MBNL1: variants seen among roughly 807,000 people sequenced by gnomAD.
MBNL1 encodes muscleblind-like protein 1.
MBNL1 carries 8 observed loss-of-function variants against 42.2 expected under a neutral mutation model. That is an observed-to-expected ratio of 0.19 (90% CI 0.11 to 0.34). The LOEUF (loss-of-function observed/expected upper bound fraction) is 0.34, where lower values mean the gene tolerates loss of function less well. MBNL1 is among the 10% of genes least tolerant of loss of function. MBNL1 has a pLI of 1.00. For missense variants in MBNL1, 309 were observed against 495.3 expected (o/e 0.62, Z 3.57); for synonymous variants, 169 against 173.9 (o/e 0.97, Z 0.22).
rs2034278073 is a variant in MBNL1 at position 152,250,205 on chromosome 3, T to TGGGCA, written n.333+5767_333+5771dup. On this transcript the variant is annotated intron_variant and non_coding_transcript_variant, in intron 2 of 2. Transcript: ENST00000477171. ...ATGGCATTGAATCTGTAAATTACCT[T>TGGGCA]GGGCAGTATGGCCATTTTCACGATA... Among the ~76,000 whole-genome samples the TGGGCA allele has an allele frequency of 5.9e-5, 9 of 151,278 alleles. No individual in the cohort carries two copies. The South Asian group carries it at 1.7e-3, about 28-fold the overall frequency.
chr3:152,409,925 A>G (rs1191194606), intron 2 of MBNL1, among the ~76,000 whole-genome samples: 3 of 152,162 alleles, frequency 2.0e-5, no homozygotes, highest in Non-Finnish European at 2.9e-5. Context: ...ATTAAGTCCA[A>G]CCAACTTCTA....
intron 2 of MBNL1, among the ~76,000 whole-genome samples, chr3:152,346,555 T>C (rs1410593612): frequency 2.0e-5 from 3 of 152,136 alleles, no homozygotes; most frequent in Non-Finnish European, 4.4e-5. Flanking sequence ...ATATTTTTCC[T>C]AGAATAATTT....
At chr3:152,384,379 T>C (rs1404083461) in intron 2 of MBNL1, among the ~76,000 whole-genome samples, 1 of 152,092 alleles carries the variant, frequency 6.6e-6, no homozygotes. Context: ...ACTAGAGAGT[T>C]ACAGAAAGAT....
intron 1 of MBNL1, among the ~76,000 whole-genome samples, chr3:152,294,594 T>G (rs1000523481): frequency 6.6e-6 from 1 of 152,170 alleles, no homozygotes; most frequent in Non-Finnish European, 1.5e-5. Context: ...TTAAGTTTGA[T>G]TCTTACAATA....
chr3:152,292,682 CA>C (rs1284066331), intron 1 of MBNL1, among the ~76,000 whole-genome samples: 1 of 152,044 alleles, frequency 6.6e-6, no homozygotes, highest in Non-Finnish European at 1.5e-5. Flanking sequence ...ATATCTCCTT[CA>C]TGATTTTCAT....
chr3:152,249,921 A>G (rs1363867316), intron 2 of MBNL1, among the ~76,000 whole-genome samples: 3 of 148,006 alleles, frequency 2.0e-5, no homozygotes, highest in Non-Finnish European at 4.5e-5. Context: ...CAAAGATCAG[A>G]TAGTTGTAGA....
At chr3:152,300,489 T>A (rs369763023) in intron 2 of MBNL1, 122 bp downstream of exon 2, 1 of 778,188 alleles carries the variant, frequency 1.3e-6, no homozygotes, top group Non-Finnish European at 1.9e-6. Flanking sequence ...TACAGTGTGT[T>A]GATGATGTTG....
chr3:152,419,729 A>C (rs2098769880), intron 3 of MBNL1, among the ~76,000 whole-genome samples: 1 of 149,290 alleles, frequency 6.7e-6, no homozygotes. Context: ...TTGTTTTCAT[A>C]CTCTAGTGGC....
chr3:152,275,878 C>G (rs1372506342), intron 1 of MBNL1, among the ~76,000 whole-genome samples: 2 of 151,656 alleles, frequency 1.3e-5, no homozygotes, highest in Non-Finnish European at 2.9e-5. Flanking sequence ...TTTGAAGTAA[C>G]TAAGTTTTTT....
intron 6 of MBNL1, among the ~76,000 whole-genome samples, chr3:152,452,930 G>A (rs1726230270): frequency 6.6e-6 from 1 of 151,360 alleles, no homozygotes; most frequent in African/African-American, 2.4e-5. Context: ...AGGTGGTGGT[G>A]TAGGTCTAAG....
At chr3:152,446,589 A>C in intron 5 of MBNL1, 1 of 706,808 alleles carries the variant, frequency 1.4e-6, no homozygotes, top group Admixed American at 2.4e-5. Context: ...GTTTTTTCTC[A>C]CCTACCCAAA....
intron 2 of MBNL1, among the ~76,000 whole-genome samples, chr3:152,313,866 A>G (rs1430561239): frequency 6.6e-6 from 1 of 152,228 alleles, no homozygotes; most frequent in East Asian, 1.9e-4. Flanking sequence ...AGTAGGTATT[A>G]ATGGAATAAT....
intron 2 of MBNL1, among the ~76,000 whole-genome samples, chr3:152,382,299 G>A (rs773464466): frequency 1.6e-4 from 25 of 151,910 alleles, no homozygotes; most frequent in East Asian, 7.7e-4. Context: ...TCCTAAAATC[G>A]TAATGTAAAA....
chr3:152,319,778 A>G (rs933746000), intron 2 of MBNL1, among the ~76,000 whole-genome samples: 5 of 152,006 alleles, frequency 3.3e-5, no homozygotes, highest in Admixed American at 6.6e-5. Flanking sequence ...TATATGGCCA[A>G]TTGATTCTTA....
chr3:152,368,207 C>G (rs997595629), intron 2 of MBNL1, among the ~76,000 whole-genome samples: 2 of 151,998 alleles, frequency 1.3e-5, no homozygotes, highest in African/African-American at 2.4e-5. Context: ...AGGAAGGGGT[C>G]CAGTTTCAGT....
chr3:152,269,385 CA>C (rs1443294906), intron 1 of MBNL1: 2 of 364,192 alleles, frequency 5.5e-6, no homozygotes, highest in East Asian at 8.3e-5. Flanking sequence ...CAGGGAGAAA[CA>C]GGGGGGCGAG....
chr3:152,407,370 G>T (rs976506535), intron 2 of MBNL1, among the ~76,000 whole-genome samples: 14 of 151,784 alleles, frequency 9.2e-5, no homozygotes, highest in Admixed American at 7.2e-4. Context: ...TATTGATTAG[G>T]ATTGCTATAT....
intron 3 of MBNL1, 26 bp downstream of exon 3, chr3:152,415,137 A>G (rs367775933): frequency 9.7e-5 from 150 of 1,538,938 alleles, no homozygotes; most frequent in Non-Finnish European, 1.2e-4. Context: ...GTCTTCACTC[A>G]TTAAGTTTTT....
chr3:152,287,926 T>C (rs571546789), intron 1 of MBNL1, among the ~76,000 whole-genome samples: 54 of 152,268 alleles, frequency 3.5e-4, no homozygotes, highest in African/African-American at 1.2e-3. Flanking sequence ...GAAAAAGATA[T>C]TGTTTTCTAT....
Sources: gnomAD v4.1 joint callset for allele counts (sites outside exome capture counted in the v4.1 genomes callset) on GRCh38, gnomAD v4.1.1 for gene constraint, MANE v1.5 for transcripts, NCBI Gene and HGNC (gene_info 2026-07-23, HGNC 2026-07-21) for gene names.